The following EPC1 variants were observed in gnomAD, a reference collection of about 807,000 sequenced individuals.
EPC1 encodes enhancer of polycomb 1.
A neutral mutation model predicts 98.4 loss-of-function variants in EPC1; 12 were observed. The observed-to-expected ratio is 0.12, with a 90% CI of 0.08 to 0.20. EPC1 has a LOEUF of 0.20. Among genes scored for constraint, EPC1 ranks in the 10% least tolerant of loss-of-function variants. The pLI is 1.00. For synonymous variants in EPC1, 357 were observed against 363.9 expected (o/e 0.98, Z 0.21); for missense variants, 729 against 990.5 (o/e 0.74, Z 3.54).
intron 2 of EPC1, among the ~76,000 whole-genome samples, chr10:32,298,594 T>C (rs1405929786): frequency 6.6e-6 from 1 of 152,224 alleles, no homozygotes; most frequent in African/African-American, 2.4e-5. Context: ...TGATAGGTAT[T>C]TGACATCCTT....
intron 10 of EPC1, among the ~76,000 whole-genome samples, chr10:32,277,611 G>A (rs1016152154): frequency 6.6e-6 from 1 of 152,076 alleles, no homozygotes; most frequent in African/African-American, 2.4e-5. Context: ...CTAAGCTGGA[G>A]TGCAGTGGTG....
Position 32,356,581 on chromosome 10 carries a change from G to A in EPC1, c.3+21910C>T, listed in dbSNP as rs539401015. Among the ~76,000 whole-genome samples, 11 of 152,272 alleles carry A rather than the reference G, an allele frequency of 7.2e-5. No individual in the cohort carries two copies. The East Asian group carries it at 1.7e-3, about 24-fold the overall frequency. ...CAACGAGGAGAATCAAAAAGAATGA[G>A]GAGGTCACAGTAAACCCATTTTCTT... is the stretch of plus-strand genomic sequence containing the variant. On this transcript the variant is annotated intron_variant, in intron 1 of 13. Coordinates refer to the EPC1 transcript ENST00000375110.
chr10:32,324,674 AAAACAAAC>A (rs151134554), intron 1 of EPC1, among the ~76,000 whole-genome samples: 17 of 151,876 alleles, frequency 1.1e-4, no homozygotes, highest in Admixed American at 3.3e-4. Flanking sequence ...CTAATCTTAA[AAAACAAAC>A]AAACAAACAA....
chr10:32,334,669 G>A (rs1270880902), intron 1 of EPC1, among the ~76,000 whole-genome samples: 1 of 151,992 alleles, frequency 6.6e-6, no homozygotes, highest in Non-Finnish European at 1.5e-5. Context: ...AATTAAATTA[G>A]GTCCTAGACT....
chr10:32,338,403 C>T (rs1838109173), intron 1 of EPC1, among the ~76,000 whole-genome samples: 3 of 152,198 alleles, frequency 2.0e-5, no homozygotes, highest in Admixed American at 1.3e-4. Flanking sequence ...ACTCATTCTC[C>T]ACATGGTAGC....
Position 32,342,891 on chromosome 10 carries a change from CAA to C in EPC1, c.153+3870_153+3871del, listed in dbSNP as rs145702533. ...AACAACATAAAGCTCCAATTTTAAT[CAA>C]GAGTCAATTTTAATAAAAAGATTTG... On this transcript the variant is annotated intron_variant, in intron 1 of 13. Coordinates refer to ENST00000319778, the MANE Select transcript of EPC1 (RefSeq NM_001272004.3). Among the ~76,000 whole-genome samples the C allele has an allele frequency of 6.2e-3, 939 of 152,260 alleles. 8 individuals are homozygous for C. Among genetic ancestry groups the C allele is most frequent in the Middle Eastern group, 0.017 (5 of 292 alleles).
upstream of EPC1, among the ~76,000 whole-genome samples, chr10:32,350,467 T>G: frequency 6.6e-6 from 1 of 152,172 alleles, no homozygotes; most frequent in African/African-American, 2.4e-5. Context: ...GGGAATGAAA[T>G]GCTATTATAG....
intron 1 of EPC1, among the ~76,000 whole-genome samples, chr10:32,321,164 C>T (rs1453955198): frequency 1.3e-5 from 2 of 152,006 alleles, no homozygotes; most frequent in East Asian, 3.9e-4. Flanking sequence ...TAGCCCACCA[C>T]CTGTTTTTCT....
intron 1 of EPC1, among the ~76,000 whole-genome samples, chr10:32,331,059 A>G (rs556193437): frequency 6.6e-6 from 1 of 152,336 alleles, no homozygotes; most frequent in South Asian, 2.1e-4. Context: ...TTTTTTCTGT[A>G]TATTTCAGGG....
At chr10:32,311,249 C>T (rs1191412191) in intron 1 of EPC1, among the ~76,000 whole-genome samples, 2 of 151,298 alleles carry the variant, frequency 1.3e-5, no homozygotes, top group Admixed American at 1.3e-4. Context: ...GGAGGCGGAA[C>T]TTGCAGTGAG....
intron 1 of EPC1, among the ~76,000 whole-genome samples, chr10:32,310,223 T>C (rs1397230382): frequency 6.6e-6 from 1 of 152,082 alleles, no homozygotes; most frequent in Non-Finnish European, 1.5e-5. Context: ...GAACATGGAT[T>C]TTGTAATCAA....
intron 1 of EPC1, among the ~76,000 whole-genome samples, chr10:32,337,207 A>C (rs756792809): frequency 2.0e-5 from 3 of 152,238 alleles, no homozygotes; most frequent in Non-Finnish European, 4.4e-5. Context: ...CTTTAGAACT[A>C]ATCTGGCCTC....
intron 9 of EPC1, chr10:32,286,116 C>T (rs2132700431): frequency 6.6e-6 from 1 of 152,410 alleles, no homozygotes; most frequent in East Asian, 1.9e-4. Context: ...TTTCCCCGCA[C>T]ATTATACATT....
At chr10:32,291,726 T>G (rs930325128) in intron 5 of EPC1, 1 of 152,560 alleles carries the variant, frequency 6.6e-6, no homozygotes, top group Non-Finnish European at 1.5e-5. Context: ...GACTGAGATA[T>G]AATTATAAAC....
rs1339269653 is a variant in EPC1 at position 32,340,687 on chromosome 10, G to C, written c.153+6076C>G. ...AATAAAAATAGAAAAAATTAGGCGT[G>C]GTGGTGTGTACCTGTAGTCTCAGCT... On this transcript the variant is annotated intron_variant, in intron 1 of 13. Transcript: ENST00000319778. 2.0e-5 allele frequency among the ~76,000 whole-genome samples: 3 copies of C among 152,246 alleles called. No individual in the cohort carries two copies. The East Asian group carries it at 5.8e-4, about 29-fold the overall frequency.
chr10:32,374,073 A>G (rs557580625), intron 1 of EPC1, among the ~76,000 whole-genome samples: 2 of 152,322 alleles, frequency 1.3e-5, no homozygotes, highest in South Asian at 4.1e-4. Flanking sequence ...ATTCATCTGT[A>G]TAGAAATAAC....
At chr10:32,337,250 G>A (rs1241600487) in intron 1 of EPC1, among the ~76,000 whole-genome samples, 1 of 152,158 alleles carries the variant, frequency 6.6e-6, no homozygotes, top group African/African-American at 2.4e-5. Flanking sequence ...CCCTTCTGAG[G>A]GTTCTACTTG....
At chr10:32,326,417 T>C (rs1036014138) in intron 1 of EPC1, among the ~76,000 whole-genome samples, 2 of 152,144 alleles carry the variant, frequency 1.3e-5, no homozygotes, top group African/African-American at 4.8e-5. Flanking sequence ...ATCACCCTGG[T>C]TCCCCTGCTG....
intron 1 of EPC1, among the ~76,000 whole-genome samples, chr10:32,321,286 C>T (rs967730307): frequency 2.8e-4 from 43 of 152,018 alleles, no homozygotes; most frequent in Non-Finnish European, 2.9e-5. Flanking sequence ...GTAGGGCCAG[C>T]GAATCTTAAA....
Sources: gnomAD v4.1 joint callset for allele counts (sites outside exome capture counted in the v4.1 genomes callset) on GRCh38, gnomAD v4.1.1 for gene constraint, MANE v1.5 for transcripts, NCBI Gene and HGNC (gene_info 2026-07-23, HGNC 2026-07-21) for gene names.